The following ACAA1 variants were observed in gnomAD, a reference collection of about 807,000 sequenced individuals.
The protein encoded by ACAA1 is acetyl-CoA acyltransferase 1.
A neutral mutation model predicts 48.8 loss-of-function variants in ACAA1; 44 were observed. That is an observed-to-expected ratio of 0.90 (90% CI 0.71 to 1.16). ACAA1 has a LOEUF of 1.16. ACAA1 is among the 50% of genes most tolerant of loss of function. The pLI is 0.00. For synonymous variants in ACAA1, 233 were observed against 226.5 expected, an observed-to-expected ratio of 1.03 and a Z score of -0.26; for missense variants, 512 against 562.3, an observed-to-expected ratio of 0.91 and a Z score of 0.90.
At chr3:38,131,307 C>G (rs1250051811) in intron 5 of ACAA1, among the ~76,000 whole-genome samples, 1 of 152,200 alleles carries the variant, frequency 6.6e-6, no homozygotes, top group Non-Finnish European at 1.5e-5. Context: ...AACCCAAATG[C>G]TGGATTTTCT....
chr3:38,135,242 A>T (rs1700866965), intron 2 of ACAA1: 1 of 152,182 alleles, frequency 6.6e-6, no homozygotes. Flanking sequence ...TTGCCTGAAG[A>T]GGGCCTGCCC....
Position 38,122,847 on chromosome 3 carries a change from TG to T in ACAA1, c.*199del. On this transcript the variant is annotated 3_prime_UTR_variant, in exon 12 of 12. Transcript: ENST00000333167. Reference sequence around the variant, plus strand: ...TCTTGCACAGCTAAAGAGGGTCTGATGGGTGGCTCAACACCCCACCCACTCC... The same window carrying T: ...TCTTGCACAGCTAAAGAGGGTCTGATGGTGGCTCAACACCCCACCCACTCC... The T allele has an allele frequency of 1.3e-6, 1 of 799,376 alleles. No homozygotes were observed. The allele number at this position is 799,376 out of a possible 1,614,324, so 49.5% of individuals were successfully genotyped here.
rs574307551 is a variant in ACAA1, at chr3:38,136,781, G to A, written c.171+84C>T. ...AGCTGGGTGCGGAGCTGCCTCCGGC[G>A]TCCAGGATAACCAAACATACGAACC... On this transcript the variant is annotated intron_variant, in intron 1 of 11. Transcript: ENST00000333167. 96 of 1,484,560 alleles carry A rather than the reference G, an allele frequency of 6.5e-5. No individual in the cohort carries two copies. The African/African-American group carries it at 1.2e-3, about 19-fold the overall frequency. The allele number at this position is 1,484,560 out of a possible 1,614,324, so 92.0% of individuals were successfully genotyped here.
chr3:38,125,595 A>G lies in ACAA1; in HGVS notation c.1169T>C (p.Leu390Pro). 6.3e-7 allele frequency: 1 copy of G among 1,584,294 alleles called. No homozygotes were observed. The highest frequency in any genetic ancestry group is 8.6e-7 in the Non-Finnish European group (1 of 1,164,284). The stretch of plus-strand genomic sequence containing the variant: ...CCCACGGCGCTTCAGCTCATTGAGC[A>G]GCGTGATGACCTGTCGTGCCCCAGT... ...GCTGARQVIT[L>P]LNELKRRGKR... The change falls in exon 11 of 12, where the codon CTG becomes CCG. Residue 390 changes from leucine (L) to proline (P), a missense_variant. Coordinates refer to ENST00000333167, the MANE Select transcript of ACAA1 (RefSeq NM_001607.4).
rs766559946 is a variant in ACAA1, at chr3:38,137,060, G to A, written c.-25C>T. 5.2e-6 allele frequency: 8 copies of A among 1,524,242 alleles called. No individual in the cohort carries two copies. The highest frequency in any genetic ancestry group is 2.2e-5 in the Admixed American group (1 of 45,078). The allele number at this position is 1,524,242 out of a possible 1,614,324, so 94.4% of individuals were successfully genotyped here. On this transcript the variant is annotated 5_prime_UTR_variant, in exon 1 of 12. Transcript: ENST00000333167. ...TTGCGCAGGTCAACCCTGCAGACCA[G>A]CCACCAGTCCGGGAACTGACCGCGG...
chr3:38,127,015 C>T (rs191656707), intron 7 of ACAA1, among the ~76,000 whole-genome samples: 2 of 152,310 alleles, frequency 1.3e-5, no homozygotes, highest in African/African-American at 4.8e-5. Flanking sequence ...AGGATGGAAC[C>T]CCAGAAATAT....
At chr3:38,131,216 G>A (rs952005996) in intron 5 of ACAA1, among the ~76,000 whole-genome samples, 1 of 152,210 alleles carries the variant, frequency 6.6e-6, no homozygotes, top group Admixed American at 6.5e-5. Context: ...TTATACAGTA[G>A]GCGCTGTCCC....
chr3:38,125,412 G>T, intron 11 of ACAA1, 153 bp downstream of exon 11: 1 of 954,458 alleles, frequency 1.0e-6, no homozygotes, highest in Non-Finnish European at 1.5e-6. Context: ...TAGGGACTTT[G>T]ATCTTTTGGG....
rs772301831 is a variant in ACAA1 at position 38,131,979 on chromosome 3, G to A, written c.350C>T (p.Ser117Phe). ...CGACGAACACTGTCTATTGACAGTG[G>A]ACAAAGGCACAGTCTCCGGGATGTC... The part of the protein sequence containing the change: ...LSDIPETVPL[S>F]TVNRQCSSGL... The change falls in exon 4 of 12, where the codon TCC becomes TTC. Residue 117 changes from serine (S) to phenylalanine (F), a missense_variant. Coordinates refer to ENST00000333167, the MANE Select transcript of ACAA1 (RefSeq NM_001607.4). 1.3e-4 allele frequency: 217 copies of A among 1,613,758 alleles called. No individual in the cohort carries two copies. Among genetic ancestry groups the A allele is most frequent in the Non-Finnish European group, 1.8e-4 (213 of 1,179,832 alleles).
intron 11 of ACAA1, chr3:38,123,329 T>C (rs537430597): frequency 6.9e-6 from 4 of 577,902 alleles, no homozygotes; most frequent in Admixed American, 6.0e-5. Flanking sequence ...GGCTGGCCCT[T>C]AAGGAAAACA....
rs1700567642 is a variant in ACAA1, at chr3:38,123,002, GAGC to G, written c.*42_*44del. 1.3e-6 allele frequency: 2 copies of G among 1,571,536 alleles called. No homozygotes were observed. The highest frequency in any genetic ancestry group is 1.3e-5 in the African/African-American group (1 of 74,122). ...TTGTGGTGTTACTGCCTTGCTGCTA[GAGC>G]AGCAGGACTGTCTGCGTAGCGCCTC... On this transcript the variant is annotated 3_prime_UTR_variant, in exon 12 of 12. Transcript: ENST00000333167.
At chr3:38,127,559 G>T in intron 7 of ACAA1, 2 of 576,930 alleles carry the variant, frequency 3.5e-6, no homozygotes, top group Non-Finnish European at 6.2e-6. Flanking sequence ...CTGAGGCCTA[G>T]CTAGGGCAAA....
At position 38,129,220 on chromosome 3, in the gene ACAA1, G is replaced by A; in HGVS notation, c.545+70C>T. On this transcript the variant is annotated intron_variant, in intron 6 of 11. Transcript: ENST00000333167. This position sits in a 1 kb window ranked among gnomAD's most constrained non-coding sequence, Gnocchi z 5.3. ...GCTTGGCACCACCAGCCACAGAGAT[G>A]ATAAAAGTTCCTTGGCTCCCTGCCC... 1 of 1,421,510 alleles carries A rather than the reference G, an allele frequency of 7.0e-7. No individual in the cohort carries two copies. Among genetic ancestry groups the A allele is most frequent in the South Asian group, 1.2e-5 (1 of 84,104 alleles). The allele number at this position is 1,421,510 out of a possible 1,614,324, so 88.1% of individuals were successfully genotyped here.
Position 38,122,751 on chromosome 3 carries a change from T to C in ACAA1, c.*296A>G. On this transcript the variant is annotated 3_prime_UTR_variant, in exon 12 of 12. Coordinates refer to ENST00000333167, the MANE Select transcript of ACAA1 (RefSeq NM_001607.4). ...ACTTTTACTATGCCCATTGCACTTCTCATCCATGGATTTGCCTTGCCTTAA... is the reference window on the plus strand; with the variant it reads ...ACTTTTACTATGCCCATTGCACTTCCCATCCATGGATTTGCCTTGCCTTAA... 2 of 1,275,478 alleles carry C rather than the reference T, an allele frequency of 1.6e-6. No homozygotes were observed. The highest frequency in any genetic ancestry group is 2.1e-6 in the Non-Finnish European group (2 of 963,386). The allele number at this position is 1,275,478 out of a possible 1,614,324, so 79.0% of individuals were successfully genotyped here.
At chr3:38,124,072 A>C (rs1482498557) in intron 11 of ACAA1, 1 of 152,212 alleles carries the variant, frequency 6.6e-6, no homozygotes, top group Non-Finnish European at 1.5e-5. Flanking sequence ...AAACAACAGA[A>C]CACTTCACAG....
chr3:38,133,286 G>A (rs1700823387), intron 3 of ACAA1, among the ~76,000 whole-genome samples: 4 of 152,134 alleles, frequency 2.6e-5, no homozygotes, highest in Non-Finnish European at 5.9e-5. Flanking sequence ...GCAGCTAGGA[G>A]ATGAGGCTGG....
rs1575270316 is a variant in ACAA1, at chr3:38,137,026, G to A, written c.10C>T (p.Leu4=). The A allele has an allele frequency of 1.9e-6, 3 of 1,565,954 alleles. No homozygotes were observed. Among genetic ancestry groups the A allele is most frequent in the Non-Finnish European group, 2.6e-6 (3 of 1,157,994 alleles). Residue 4 remains leucine (L), a synonymous_variant, in exon 1 of 12, where the codon CTG becomes TTG. Coordinates refer to ENST00000333167, the MANE Select transcript of ACAA1 (RefSeq NM_001607.4). MQR[L]QVVLGHLRGP... ...CTCAGGTGGCCCAGCACTACCTGCA[G>A]CCTCTGCATTGCGCAGGTCAACCCT...
At chr3:38,127,979 G>T in intron 6 of ACAA1, 113 bp from the exon 7 acceptor site, 1 of 973,052 alleles carries the variant, frequency 1.0e-6, no homozygotes, top group Non-Finnish European at 1.6e-6. Context: ...GGCAGGACAG[G>T]ATGTAAGGGC....
chr3:38,123,301 G>A, intron 11 of ACAA1, 179 bp from the exon 12 acceptor site: 1 of 620,200 alleles, frequency 1.6e-6, no homozygotes, highest in Non-Finnish European at 2.9e-6. Flanking sequence ...GCCCACTGCA[G>A]GCTAGTATCC....
Sources: gnomAD v4.1 joint callset for allele counts (sites outside exome capture counted in the v4.1 genomes callset) on GRCh38, gnomAD v4.1.1 for gene constraint, Gnocchi (gnomAD v3.1) non-coding constraint, MANE v1.5 for transcripts, NCBI Gene and HGNC (gene_info 2026-07-23, HGNC 2026-07-21) for gene names.